DPY19L1: variants seen among roughly 807,000 people sequenced by gnomAD.
DPY19L1 encodes the protein dpy-19 like C-mannosyltransferase 1.
Under a neutral mutation model 96.9 loss-of-function variants are expected in DPY19L1, and 35 were observed. The observed-to-expected ratio is 0.36, with a 90% CI of 0.28 to 0.48. The LOEUF (loss-of-function observed/expected upper bound fraction) is 0.48. Ranked by LOEUF, DPY19L1 falls within the 20% of genes least tolerant of loss-of-function variation. The probability of loss-of-function intolerance (pLI) is 0.99; values close to 1 mark genes in which losing one functional copy is unlikely to be tolerated. For synonymous variants in DPY19L1, 205 were observed against 252.6 expected (o/e 0.81, Z 1.79); for missense variants, 521 against 777.9 (o/e 0.67, Z 3.93).
chr7:35,012,227 C>T (rs1232077681), intron 4 of DPY19L1, among the ~76,000 whole-genome samples: 1 of 152,226 alleles, frequency 6.6e-6, no homozygotes, highest in Non-Finnish European at 1.5e-5. Flanking sequence ...GGTAGGACAA[C>T]TCTGCAAAGC....
chr7:34,966,874 G>A lies in DPY19L1; in HGVS notation c.1092+20C>T, dbSNP rs1452738050. 5 of 1,502,508 alleles carry A rather than the reference G, an allele frequency of 3.3e-6. No individual in the cohort carries two copies. Among genetic ancestry groups the A allele is most frequent in the Non-Finnish European group, 4.5e-6 (5 of 1,122,586 alleles). The allele number at this position is 1,502,508 out of a possible 1,614,324, so 93.1% of individuals were successfully genotyped here. A position where few individuals can be genotyped will look rare whatever the true frequency, so the allele number is the denominator to read the frequency against. On this transcript the variant is annotated intron_variant, in intron 10 of 21. Transcript: ENST00000638088. ...TTTTAAGGGCAAACTAAATGGAAAA[G>A]AACAATAAAAAATTATTACCATGTG...
At chr7:35,001,847 C>T (rs911962309) in intron 6 of DPY19L1, among the ~76,000 whole-genome samples, 9 of 151,980 alleles carry the variant, frequency 5.9e-5, no homozygotes, top group Non-Finnish European at 1.2e-4. Flanking sequence ...CAAGCTAGGC[C>T]GGGCACAGTG....
chr7:35,007,213 G>T (rs538002541), intron 6 of DPY19L1, among the ~76,000 whole-genome samples: 7 of 152,248 alleles, frequency 4.6e-5, no homozygotes, highest in African/African-American at 9.6e-5. Flanking sequence ...TATACATCAG[G>T]ATCAATTTTG....
intron 13 of DPY19L1, among the ~76,000 whole-genome samples, chr7:34,952,934 T>C (rs563710561): frequency 6.6e-6 from 1 of 152,300 alleles, no homozygotes; most frequent in Admixed American, 6.5e-5. Flanking sequence ...TGGGAGTCTG[T>C]GGCATTTTTA....
chr7:34,985,893 C>G (rs1785036320), intron 7 of DPY19L1, among the ~76,000 whole-genome samples: 1 of 151,912 alleles, frequency 6.6e-6, no homozygotes, highest in Non-Finnish European at 1.5e-5. Flanking sequence ...ATAGCCAAGA[C>G]ACGGAAGCAA....
At chr7:34,972,985 G>A (rs745952590) in intron 8 of DPY19L1, among the ~76,000 whole-genome samples, 57 of 152,276 alleles carry the variant, frequency 3.7e-4, no homozygotes, top group Non-Finnish European at 7.2e-4. Flanking sequence ...ATCACTGAAG[G>A]GAGTTATCAG....
At chr7:34,956,930 A>G (rs533964070) in intron 11 of DPY19L1, among the ~76,000 whole-genome samples, 4 of 152,222 alleles carry the variant, frequency 2.6e-5, no homozygotes, top group African/African-American at 9.6e-5. Context: ...GAAGTCGAAT[A>G]TATTCCAATT....
At chr7:34,950,936 T>C (rs1459685614) in intron 13 of DPY19L1, among the ~76,000 whole-genome samples, 2 of 152,030 alleles carry the variant, frequency 1.3e-5, no homozygotes, top group African/African-American at 2.4e-5. Flanking sequence ...CCAAAAGAAA[T>C]ACTTAAAAGT....
intron 21 of DPY19L1, among the ~76,000 whole-genome samples, chr7:34,933,968 C>CT (rs1408708555): frequency 1.3e-5 from 2 of 151,976 alleles, no homozygotes; most frequent in Admixed American, 6.6e-5. Context: ...TACATCTATC[C>CT]TTTTTTTATT....
At chr7:34,991,805 T>G (rs949116326) in intron 6 of DPY19L1, among the ~76,000 whole-genome samples, 1 of 152,228 alleles carries the variant, frequency 6.6e-6, no homozygotes, top group African/African-American at 2.4e-5. Context: ...AACATCTCTC[T>G]GAAATTTGTT....
intron 15 of DPY19L1, among the ~76,000 whole-genome samples, chr7:34,946,903 AAT>A (rs1584207529): frequency 6.6e-6 from 1 of 152,264 alleles, no homozygotes; most frequent in African/African-American, 2.4e-5. Context: ...GCAGAGTACA[AAT>A]ATATAATATG....
intron 12 of DPY19L1, 149 bp from the exon 13 acceptor site, chr7:34,954,927 A>C: frequency 2.1e-6 from 1 of 477,348 alleles, no homozygotes; most frequent in Non-Finnish European, 3.8e-6. Flanking sequence ...ATTTAAAATC[A>C]AGCATGTTGC....
At chr7:34,992,241 T>A (rs1785186023) in intron 6 of DPY19L1, among the ~76,000 whole-genome samples, 1 of 152,234 alleles carries the variant, frequency 6.6e-6, no homozygotes, top group South Asian at 2.1e-4. Flanking sequence ...GTGTTTTGTT[T>A]TGACAACATG....
chr7:35,004,960 C>G (rs1375855880), intron 6 of DPY19L1, among the ~76,000 whole-genome samples: 2 of 152,120 alleles, frequency 1.3e-5, no homozygotes, highest in Non-Finnish European at 2.9e-5. Flanking sequence ...TCCAGAAGAC[C>G]TCCTCAGATG....
intron 7 of DPY19L1, among the ~76,000 whole-genome samples, chr7:34,987,523 G>C (rs543915337): frequency 2.0e-5 from 3 of 152,044 alleles, no homozygotes; most frequent in Admixed American, 1.3e-4. Context: ...TTCACATGTA[G>C]TGCACAGCAA....
At chr7:34,976,924 C>T (rs961724379) in intron 7 of DPY19L1, among the ~76,000 whole-genome samples, 2 of 151,658 alleles carry the variant, frequency 1.3e-5, no homozygotes, top group African/African-American at 4.8e-5. Context: ...GCTGGGACTA[C>T]AGGCACCCAC....
At chr7:34,956,452 C>T (rs1267514237) in intron 11 of DPY19L1, among the ~76,000 whole-genome samples, 14 of 151,526 alleles carry the variant, frequency 9.2e-5, no homozygotes, top group Non-Finnish European at 1.5e-4. Context: ...ACTCAAGGCA[C>T]AACCTGAAAA....
chr7:34,958,589 G>C lies in DPY19L1; in HGVS notation c.1093-519C>G, dbSNP rs568875800. Reference sequence around the variant, plus strand: ...ATGTGTATACCTTATGTGCATGTCAGTACATTTATGAATAAATTACTAGAA... The same window carrying C: ...ATGTGTATACCTTATGTGCATGTCACTACATTTATGAATAAATTACTAGAA... On this transcript the variant is annotated intron_variant, in intron 10 of 21. Coordinates refer to ENST00000638088, the MANE Select transcript of DPY19L1 (RefSeq NM_001366673.1). 3.9e-5 allele frequency among the ~76,000 whole-genome samples: 6 copies of C among 152,290 alleles called. No homozygotes were observed. The East Asian group carries it at 5.8e-4, about 15-fold the overall frequency.
rs1161959357 is a variant in DPY19L1, at chr7:35,017,501, C to CA, written c.411+380dup. 4.0e-3 allele frequency among the ~76,000 whole-genome samples: 55 copies of CA among 13,668 alleles called. 4 individuals are homozygous for CA. The highest frequency in any genetic ancestry group is 0.031 in the South Asian group (13 of 426). 9.0% of individuals were successfully genotyped at this position (13,668 alleles called of 152,430 possible). A position where few individuals can be genotyped will look rare whatever the true frequency, so the allele number is the denominator to read the frequency against. ...TGGGCGACAGAGCGAGACTCCGTCT[C>CA]AAAAAAAAAAAAAAAAAAAAATTAG... On this transcript the variant is annotated intron_variant, in intron 3 of 21. Transcript: ENST00000638088.
Sources: allele counts gnomAD v4.1 joint callset (sites outside exome capture counted in the v4.1 genomes callset), GRCh38; gene constraint gnomAD v4.1.1; transcripts MANE v1.5; gene names NCBI Gene and HGNC (gene_info 2026-07-23, HGNC 2026-07-21).